Variants in CSRNP1 observed in about 807,000 individuals in gnomAD.
CSRNP1 encodes the protein cysteine and serine rich nuclear protein 1.
In CSRNP1, 8 loss-of-function variants were observed where a neutral mutation model predicts 25.0. That is an observed-to-expected ratio of 0.32 (90% confidence interval 0.19 to 0.58). The LOEUF is 0.58. Among genes scored for constraint, CSRNP1 ranks in the 20% least tolerant of loss-of-function variants. The pLI is 0.88. For missense variants in CSRNP1, 691 were observed against 773.1 expected, an observed-to-expected ratio of 0.89 and a Z score of 1.26; for synonymous variants, 305 against 303.1, an observed-to-expected ratio of 1.01 and a Z score of -0.06.
At chr3:39,144,559 G>A in intron 3 of CSRNP1, 108 bp from the exon 4 acceptor site, 1 of 1,100,024 alleles carries the variant, frequency 9.1e-7, no homozygotes, top group Admixed American at 2.6e-5. Flanking sequence ...CACTACTCGT[G>A]CTTAATCTGC....
chr3:39,147,777 C>T (rs2039537300), intron 1 of CSRNP1, among the ~76,000 whole-genome samples: 1 of 152,080 alleles, frequency 6.6e-6, no homozygotes, highest in Non-Finnish European at 1.5e-5. Flanking sequence ...GGGTCCTTCC[C>T]AAGGTTTGGC....
At position 39,146,562 on chromosome 3, in the gene CSRNP1, G is replaced by A. The variant is rs150285879; in HGVS notation, c.121C>T (p.Arg41Cys). The A allele has an allele frequency of 3.9e-5, 61 of 1,554,210 alleles. No homozygotes were observed. In the African/African-American group the frequency reaches 4.8e-4, roughly 12 times the overall value. ...RSCSPSSSVSRAWDSEEEGPW... is the reference protein window; with the variant it reads ...RSCSPSSSVSCAWDSEEEGPW... ...CCTTCCTCCTCTGAGTCCCAGGCAC[G>A]GGAGACAGAAGAGCTTGGGGAGCAG... Residue 41 changes from arginine to cysteine, a missense_variant, in exon 2 of 5, where the codon CGT becomes TGT. Transcript: ENST00000273153.
Position 39,146,537 on chromosome 3 carries a change from C to A in CSRNP1, c.146G>T (p.Gly49Val). 6.4e-7 allele frequency: 1 copy of A among 1,551,632 alleles called. No individual in the cohort carries two copies. Among genetic ancestry groups the A allele is most frequent in the Non-Finnish European group, 8.7e-7 (1 of 1,147,012 alleles). Residue 49 changes from glycine (G) to valine (V), a missense_variant, in exon 2 of 5, where the codon GGC (glycine) becomes GTC (valine). Physicochemically the swap from Gly to Val is moderately radical, Grantham distance 109. Transcript: ENST00000273153. ...VSRAWDSEEE[G>V]PWDQMPLPDR... ...AGGCAGGGGCATCTGATCCCAGGGG[C>A]CTTCCTCCTCTGAGTCCCAGGCACG... is the stretch of plus-strand genomic sequence containing the variant.
Position 39,145,131 on chromosome 3 carries a change from G to A in CSRNP1, c.331C>T (p.Leu111=). The change falls in exon 3 of 5, where the codon CTG becomes TTG. Residue 111 remains leucine, a synonymous_variant. Coordinates refer to ENST00000273153, the MANE Select transcript of CSRNP1 (RefSeq NM_033027.4). ...GCACTGTGGCGAAGGGCCATACCCA[G>A]AGTACAGCCACCACGGCTGGGCACA... ...TSVPSRGGCT[L]GMALRHSACR... is the part of the protein sequence containing the mutation. 1.2e-6 allele frequency: 2 copies of A among 1,614,288 alleles called. No individual in the cohort carries two copies. The highest frequency in any genetic ancestry group is 2.2e-5 in the South Asian group (2 of 91,092).
rs1269182910 is a variant in CSRNP1, at chr3:39,145,106, G to C, written c.356C>G (p.Ala119Gly). ...CTLGMALRHS[A>G]CRRFSLAEFA... ...CTCAGCCAAAGAGAAGCGACGGCAAGCACTGTGGCGAAGGGCCATACCCAG... is the reference window on the plus strand; with the variant it reads ...CTCAGCCAAAGAGAAGCGACGGCAACCACTGTGGCGAAGGGCCATACCCAG... Residue 119 changes from alanine (A) to glycine (G), a missense_variant, in exon 3 of 5, where the codon GCT (alanine) becomes GGT (glycine). By Grantham distance (60) the Ala-to-Gly change is moderately conservative. Transcript: ENST00000273153. 6.2e-7 allele frequency: 1 copy of C among 1,614,284 alleles called. No individual in the cohort carries two copies. The highest frequency in any genetic ancestry group is 2.2e-5 in the East Asian group (1 of 44,890).
chr3:39,152,328 C>T (rs1473214275), intron 1 of CSRNP1: 2 of 152,550 alleles, frequency 1.3e-5, no homozygotes, highest in Non-Finnish European at 2.9e-5. Context: ...CCACAGAAGG[C>T]TTAAGTAGGG....
At position 39,143,369 on chromosome 3, in the gene CSRNP1, T is replaced by G. The variant is rs1225596715; in HGVS notation, c.1456A>C (p.Ser486Arg). The change falls in exon 5 of 5, where the codon AGC becomes CGC. Residue 486 changes from serine to arginine, a missense_variant. Physicochemically the swap from Ser to Arg is moderately radical, Grantham distance 110 (BLOSUM62 -1). Transcript: ENST00000273153. ...GAGCTACTCCGGCCAGCGTCCATGCTGGGTGGCACTGAGGTGCCAGGAAGG... is the reference window on the plus strand; with the variant it reads ...GAGCTACTCCGGCCAGCGTCCATGCGGGGTGGCACTGAGGTGCCAGGAAGG... ...GSLPGTSVPP[S>R]MDAGRSSSVD... 1 of 1,614,186 alleles carries G rather than the reference T, an allele frequency of 6.2e-7. No homozygotes were observed. Among genetic ancestry groups the G allele is most frequent in the Non-Finnish European group, 8.5e-7 (1 of 1,180,028 alleles).
intron 1 of CSRNP1, chr3:39,149,021 A>T (rs1178165072): frequency 6.6e-6 from 1 of 151,802 alleles, no homozygotes; most frequent in Admixed American, 6.6e-5. Flanking sequence ...TTGTCTTAAG[A>T]CCTCATAGGG....
rs1050052165 is a variant in CSRNP1, at chr3:39,141,979, C to G, written c.*1076G>C. On this transcript the variant is annotated 3_prime_UTR_variant, in exon 5 of 5. Transcript: ENST00000273153. ...GAGCCTGCGTTTCTTGGCACAGACA[C>G]AGAGAGAAATGGAATAAATTATAGT... 3.9e-5 allele frequency: 6 copies of G among 152,714 alleles called. No homozygotes were observed. In the East Asian group the frequency reaches 5.8e-4, roughly 15 times the overall value. 9.5% of individuals were successfully genotyped at this position (152,714 alleles called of 1,614,324 possible).
At chr3:39,150,252 A>G (rs1575578446) in intron 1 of CSRNP1, 1 of 152,374 alleles carries the variant, frequency 6.6e-6, no homozygotes, top group East Asian at 1.9e-4. Flanking sequence ...GTATTTCCCT[A>G]TCACAGACTA....
At chr3:39,149,475 A>G (rs1286424834) in intron 1 of CSRNP1, 3 of 152,220 alleles carry the variant, frequency 2.0e-5, no homozygotes, top group African/African-American at 7.2e-5. Flanking sequence ...GTTACTATCA[A>G]TTTAAAAAGT....
rs144549039 is a variant in CSRNP1 at position 39,143,403 on chromosome 3, C to T, written c.1422G>A (p.Arg474=). Residue 474 remains arginine, a synonymous_variant, in exon 5 of 5, where the codon AGG becomes AGA. Coordinates refer to ENST00000273153, the MANE Select transcript of CSRNP1 (RefSeq NM_033027.4). ...CFLNGGLEGS[R]EGSLPGTSVP... is the part of the protein sequence containing the mutation. The stretch of plus-strand genomic sequence containing the variant: ...CTGAGGTGCCAGGAAGGCTGCCTTC[C>T]CTTGACCCTTCAAGGCCACCATTTA... 4.5e-5 allele frequency: 73 copies of T among 1,614,178 alleles called. No homozygotes were observed. The African/African-American group carries it at 8.0e-4, about 18-fold the overall frequency.
Position 39,146,625 on chromosome 3 carries a change from A to AGAC in CSRNP1, c.55_57dup (p.Val19dup), listed in dbSNP as rs770199650. On this transcript the variant is annotated inframe_insertion, in exon 2 of 5. Coordinates refer to ENST00000273153, the MANE Select transcript of CSRNP1 (RefSeq NM_033027.4). ...CACCCAGAGGAAGAGGAGGAGGAGGAGACCGAGGAGTTGTCCTCATCCAGC... is the reference window on the plus strand; with the variant it reads ...CACCCAGAGGAAGAGGAGGAGGAGGAGACGACCGAGGAGTTGTCCTCATCCAGC... The AGAC allele has an allele frequency of 8.3e-6, 13 of 1,572,480 alleles. No homozygotes were observed. The highest frequency in any genetic ancestry group is 9.5e-6 in the Non-Finnish European group (11 of 1,158,678).
chr3:39,143,373 T>G lies in CSRNP1; in HGVS notation c.1452A>C (p.Pro484=), dbSNP rs1290603368. 2 of 1,614,054 alleles carry G rather than the reference T, an allele frequency of 1.2e-6. No homozygotes were observed. The highest frequency in any genetic ancestry group is 1.7e-6 in the Non-Finnish European group (2 of 1,180,030). ...REGSLPGTSV[P]PSMDAGRSSS... is the part of the protein sequence containing the mutation. ...TACTCCGGCCAGCGTCCATGCTGGG[T>G]GGCACTGAGGTGCCAGGAAGGCTGC... Residue 484 remains proline, a synonymous_variant, in exon 5 of 5, where the codon CCA becomes CCC. Coordinates refer to ENST00000273153, the MANE Select transcript of CSRNP1 (RefSeq NM_033027.4).
chr3:39,146,872 G>T (rs1289625936), intron 1 of CSRNP1, 150 bp from the exon 2 acceptor site: 6 of 1,077,730 alleles, frequency 5.6e-6, no homozygotes, highest in Non-Finnish European at 7.8e-6. Flanking sequence ...CTGTGTGGGG[G>T]AGGGCACAGT....
chr3:39,149,603 T>C (rs563929994), intron 1 of CSRNP1: 8 of 152,170 alleles, frequency 5.3e-5, no homozygotes, highest in African/African-American at 1.7e-4. Context: ...AAACCACACA[T>C]TTACCTGCCA....
chr3:39,151,643 C>T (rs760649169), intron 1 of CSRNP1: 21 of 152,426 alleles, frequency 1.4e-4, no homozygotes, highest in Non-Finnish European at 2.5e-4. Flanking sequence ...CCCCCCAAAA[C>T]ACTTGGGGTC....
At chr3:39,152,895 C>T (rs1395507748) in intron 1 of CSRNP1, 1 of 152,328 alleles carries the variant, frequency 6.6e-6, no homozygotes, top group Non-Finnish European at 1.5e-5. Flanking sequence ...ACAATCCCTC[C>T]CTCCCGGGGT....
In CSRNP1 at chr3:39,146,591, C is replaced by T. The variant is rs142952358; in HGVS notation, c.92G>A (p.Arg31His). 47 of 1,563,864 alleles carry T rather than the reference C, an allele frequency of 3.0e-5. No homozygotes were observed. The highest frequency in any genetic ancestry group is 3.8e-5 in the Admixed American group (2 of 52,506). The change falls in exon 2 of 5, where the codon CGC (arginine) becomes CAC (histidine). Residue 31 changes from arginine (R) to histidine (H), a missense_variant. Transcript: ENST00000273153. ...GACAGAAGAGCTTGGGGAGCAGGAGCGAGACTGGCACCCAGAGGAAGAGGA... is the reference window on the plus strand; with the variant it reads ...GACAGAAGAGCTTGGGGAGCAGGAGTGAGACTGGCACCCAGAGGAAGAGGA... Reference protein sequence around the residue: ...SSSSSSGCQSRSCSPSSSVSR... With the variant: ...SSSSSSGCQSHSCSPSSSVSR...
Sources: allele counts gnomAD v4.1 joint callset (sites outside exome capture counted in the v4.1 genomes callset), GRCh38; gene constraint gnomAD v4.1.1; transcripts MANE v1.5; gene names NCBI Gene and HGNC (gene_info 2026-07-23, HGNC 2026-07-21).